Variants in DPP10 observed in about 807,000 individuals in gnomAD.
DPP10 encodes inactive dipeptidyl peptidase 10.
DPP10 carries 33 observed loss-of-function variants against 120.9 expected under a neutral mutation model. The ratio of observed to expected loss-of-function variants is 0.27; its 90% CI spans 0.21 to 0.37. The LOEUF (loss-of-function observed/expected upper bound fraction) is 0.37, where lower values mean the gene tolerates loss of function less well. Ranked by LOEUF, DPP10 falls within the 10% of genes least tolerant of loss-of-function variation. The pLI, the probability that DPP10 is intolerant of heterozygous loss-of-function variation, is 1.00. For missense variants in DPP10, 816 were observed against 942.8 expected (o/e 0.87, Z 1.76); for synonymous variants, 337 against 326.1 (o/e 1.03, Z -0.36).
At chr2:115,118,315 T>G (rs2049634491) in intron 1 of DPP10, among the ~76,000 whole-genome samples, 1 of 152,252 alleles carries the variant, frequency 6.6e-6, no homozygotes, top group African/African-American at 2.4e-5. Flanking sequence ...CAAAGTAATT[T>G]CTATCACTAT....
rs897947585 is a variant in DPP10 at position 115,279,846 on chromosome 2, G to A, written c.61-29393G>A. Reference sequence around the variant, plus strand: ...CCAGCTAATTTTTCTATTTTTAGTAGCGACAGGGTTTCACCATGTTGACCA... The same window carrying A: ...CCAGCTAATTTTTCTATTTTTAGTAACGACAGGGTTTCACCATGTTGACCA... On this transcript the variant is annotated intron_variant, in intron 1 of 25. Transcript: ENST00000410059. Among the ~76,000 whole-genome samples the A allele has an allele frequency of 1.3e-4, 19 of 151,472 alleles. 1 individual carries two copies. The highest frequency in any genetic ancestry group is 1.0e-3 in the South Asian group (5 of 4,786).
chr2:114,765,243 GGTAAAATTATGT>G (rs1186974255), intron 1 of DPP10, among the ~76,000 whole-genome samples: 3 of 152,022 alleles, frequency 2.0e-5, no homozygotes, highest in Admixed American at 2.0e-4. Context: ...CTCGTGTGGT[GGTAAAATTATGT>G]GTCGTTGGGG....
At chr2:115,727,278 C>T (rs539737534) in intron 7 of DPP10, among the ~76,000 whole-genome samples, 1 of 152,160 alleles carries the variant, frequency 6.6e-6, no homozygotes, top group Non-Finnish European at 1.5e-5. Flanking sequence ...AAGCTGTGTT[C>T]CACTTATCAA....
chr2:115,135,970 T>G (rs953069957), intron 1 of DPP10, among the ~76,000 whole-genome samples: 1 of 152,196 alleles, frequency 6.6e-6, no homozygotes, highest in Non-Finnish European at 1.5e-5. Context: ...TTTGACCTCC[T>G]ATTGTCATTT....
chr2:114,770,311 G>A (rs1220330712), intron 1 of DPP10, among the ~76,000 whole-genome samples: 2 of 152,022 alleles, frequency 1.3e-5, no homozygotes, highest in African/African-American at 4.8e-5. Context: ...CGAAAAGGGA[G>A]GATTTATATG....
At chr2:115,386,985 C>T (rs1031589648) in intron 3 of DPP10, among the ~76,000 whole-genome samples, 7 of 151,426 alleles carry the variant, frequency 4.6e-5, no homozygotes, top group African/African-American at 1.7e-4. Context: ...AGCTGTGGAG[C>T]TAAACATATA....
At chr2:115,670,922 A>C (rs1373936833) in intron 5 of DPP10, among the ~76,000 whole-genome samples, 1 of 152,108 alleles carries the variant, frequency 6.6e-6, no homozygotes, top group Non-Finnish European at 1.5e-5. Context: ...GAGTCACATG[A>C]GTTTTCATGT....
At chr2:114,870,655 A>G (rs1690621661) in intron 1 of DPP10, among the ~76,000 whole-genome samples, 1 of 135,758 alleles carries the variant, frequency 7.4e-6, no homozygotes, top group South Asian at 2.3e-4. Context: ...AAATATTTTG[A>G]TAATATCACA....
chr2:115,700,214 C>G (rs1290786216), intron 7 of DPP10, among the ~76,000 whole-genome samples: 2 of 152,142 alleles, frequency 1.3e-5, no homozygotes, highest in Non-Finnish European at 2.9e-5. Context: ...ATTTAATCAT[C>G]TCCCAGCAGG....
intron 1 of DPP10, among the ~76,000 whole-genome samples, chr2:114,881,774 G>A (rs924981080): frequency 6.6e-6 from 1 of 152,148 alleles, no homozygotes; most frequent in African/African-American, 2.4e-5. Flanking sequence ...CATTGGATAT[G>A]ACTGTTTCTC....
intron 3 of DPP10, among the ~76,000 whole-genome samples, chr2:115,451,806 T>C (rs1312616322): frequency 1.3e-5 from 2 of 151,984 alleles, no homozygotes; most frequent in East Asian, 3.9e-4. Context: ...TTTTATACAG[T>C]TAAATTTAGA....
At chr2:115,238,840 T>C (rs938551907) in intron 1 of DPP10, among the ~76,000 whole-genome samples, 1 of 152,128 alleles carries the variant, frequency 6.6e-6, no homozygotes, top group Non-Finnish European at 1.5e-5. Context: ...TATATATGTA[T>C]ATATAAAAGG....
chr2:114,573,238 C>T (rs1371124843), intron 1 of DPP10, among the ~76,000 whole-genome samples: 3 of 152,182 alleles, frequency 2.0e-5, no homozygotes, highest in Non-Finnish European at 4.4e-5. Flanking sequence ...CCCACCTTGG[C>T]TTTCCAAAAC....
intron 1 of DPP10, among the ~76,000 whole-genome samples, chr2:115,212,334 C>G (rs898526687): frequency 6.6e-6 from 1 of 152,108 alleles, no homozygotes; most frequent in Non-Finnish European, 1.5e-5. Context: ...AAGAATCAAC[C>G]CAATGTACAT....
At chr2:114,655,830 T>C (rs1696927882) in intron 1 of DPP10, among the ~76,000 whole-genome samples, 2 of 152,286 alleles carry the variant, frequency 1.3e-5, no homozygotes, top group Admixed American at 6.5e-5. Flanking sequence ...TAAGGATTCA[T>C]TACAAAGGAA....
chr2:115,069,957 T>C lies in DPP10; in HGVS notation c.61-239282T>C, dbSNP rs575193204. 9.7e-4 allele frequency among the ~76,000 whole-genome samples: 147 copies of C among 152,158 alleles called. 1 individual carries two copies. The Middle Eastern group carries it at 0.02, about 21-fold the overall frequency. ...TAATCTCCTTACCTGTAAGTGTTTA[T>C]TTTGGTGTGTATTAACACATTGTGT... On this transcript the variant is annotated intron_variant, in intron 1 of 25. Transcript: ENST00000410059.
chr2:115,120,307 G>A (rs1280245331), intron 1 of DPP10, among the ~76,000 whole-genome samples: 1 of 152,194 alleles, frequency 6.6e-6, no homozygotes, highest in African/African-American at 2.4e-5. Context: ...AGGATGGAAT[G>A]CCTCTGGATT....
rs543619581 is a variant in DPP10 at position 115,117,593 on chromosome 2, G to A, written c.61-191646G>A. Among the ~76,000 whole-genome samples, 4 of 152,306 alleles carry A rather than the reference G, an allele frequency of 2.6e-5. No homozygotes were observed. In the East Asian group the frequency reaches 5.8e-4, roughly 22 times the overall value. ...ACTGCACTCCCGCCTGGGTGACAGT[G>A]TGAGAGCCTGTCTCTAAAAAGAAAA... On this transcript the variant is annotated intron_variant, in intron 1 of 25. Transcript: ENST00000410059.
At chr2:114,473,379 A>G (rs1196945113) in intron 1 of DPP10, among the ~76,000 whole-genome samples, 1 of 152,238 alleles carries the variant, frequency 6.6e-6, no homozygotes, top group Non-Finnish European at 1.5e-5. Flanking sequence ...TCTGCCTTGT[A>G]GACAAACTGC....
Sources: gnomAD v4.1 joint callset for allele counts (sites outside exome capture counted in the v4.1 genomes callset) on GRCh38, gnomAD v4.1.1 for gene constraint, MANE v1.5 for transcripts, NCBI Gene and HGNC (gene_info 2026-07-23, HGNC 2026-07-21) for gene names.